The following COQ8A variants were observed in gnomAD, a reference collection of about 807,000 sequenced individuals.
COQ8A encodes the protein coenzyme Q8A.
A neutral mutation model predicts 65.0 loss-of-function variants in COQ8A; 51 were observed. That is an observed-to-expected ratio of 0.78 (90% CI 0.63 to 0.99). The LOEUF is 0.99. Ranked by LOEUF, COQ8A falls within the 50% of genes least tolerant of loss-of-function variation. The probability of loss-of-function intolerance (pLI) is 0.00; values close to 1 mark genes in which losing one functional copy is unlikely to be tolerated. For synonymous variants in COQ8A, 371 were observed against 353.2 expected, an observed-to-expected ratio of 1.05 and a Z score of -0.57; for missense variants, 940 against 875.0, an observed-to-expected ratio of 1.07 and a Z score of -0.94.
intron 2 of COQ8A, among the ~76,000 whole-genome samples, chr1:226,962,855 A>G (rs1434547086): frequency 3.9e-5 from 6 of 152,180 alleles, no homozygotes; most frequent in Admixed American, 2.6e-4. Context: ...CATTTCTCAG[A>G]TGAGGAAACT....
intron 5 of COQ8A, among the ~76,000 whole-genome samples, chr1:226,981,682 TC>T (rs1659699565): frequency 6.6e-6 from 1 of 152,144 alleles, no homozygotes; most frequent in South Asian, 2.1e-4. Context: ...CCCTCTTGGT[TC>T]CCACTCCCAC....
At chr1:226,976,238 GCGGGGCTGTGGGACTGCGATGTTGCCT>G (rs1317391566) in intron 4 of COQ8A, among the ~76,000 whole-genome samples, 4 of 137,538 alleles carry the variant, frequency 2.9e-5, no homozygotes, top group Admixed American at 1.5e-4. Context: ...CTGTGGGACT[GCGGGGCTGTGGGACTGCGATGTTGCCT>G]GGCTGCGGGG....
At chr1:226,968,434 C>G (rs1459374823) in intron 4 of COQ8A, among the ~76,000 whole-genome samples, 1 of 152,190 alleles carries the variant, frequency 6.6e-6, no homozygotes, top group Admixed American at 6.5e-5. Context: ...ATTTTAGTTT[C>G]AGAGACATAC....
rs1659956665 is a variant in COQ8A at position 226,984,568 on chromosome 1, T to C, written c.1419T>C (p.Val473=). 6.2e-7 allele frequency: 1 copy of C among 1,614,048 alleles called. No homozygotes were observed. The highest frequency in any genetic ancestry group is 1.1e-5 in the South Asian group (1 of 91,086). The change falls in exon 12 of 15, where the codon GTT becomes GTC. Residue 473 remains valine (V), a synonymous_variant. Transcript: ENST00000366777. ...IRNEICYNIL[V]LCLRELFEFH... is the part of the protein sequence containing the mutation. ...CACAGATCTGCTACAACATCCTGGTTCTGTGCCTGAGGGAGCTGTTCGAGT... is the reference window on the plus strand; with the variant it reads ...CACAGATCTGCTACAACATCCTGGTCCTGTGCCTGAGGGAGCTGTTCGAGT...
chr1:226,970,078 G>C (rs966386528), intron 4 of COQ8A, among the ~76,000 whole-genome samples: 1 of 152,054 alleles, frequency 6.6e-6, no homozygotes, highest in Non-Finnish European at 1.5e-5. Context: ...TCAGCCACTC[G>C]AATAGCTGGA....
chr1:226,955,924 T>G (rs1454174541), intron 1 of COQ8A, among the ~76,000 whole-genome samples: 1 of 129,674 alleles, frequency 7.7e-6, no homozygotes, highest in Non-Finnish European at 1.6e-5. Context: ...TGGTTCACAC[T>G]CTCCCTGGTT....
Position 226,965,311 on chromosome 1 carries a change from C to G in COQ8A, c.489C>G (p.Phe163Leu). The change falls in exon 3 of 15, where the codon TTC becomes TTG. Residue 163 changes from phenylalanine (F) to leucine (L), a missense_variant. Coordinates refer to ENST00000366777, the MANE Select transcript of COQ8A (RefSeq NM_020247.5). ...FSAMGFQRRFFHQDQSPVGGL... is the reference protein window; with the variant it reads ...FSAMGFQRRFLHQDQSPVGGL... ...CCATGGGCTTTCAGCGAAGGTTCTT[C>G]CACCAGGACCAATCCCCTGTTGGGG... 3.1e-6 allele frequency: 5 copies of G among 1,613,858 alleles called. No homozygotes were observed. Among genetic ancestry groups the G allele is most frequent in the Non-Finnish European group, 4.2e-6 (5 of 1,180,008 alleles).
At chr1:226,985,111 CGTG>C (rs1660003376) in intron 13 of COQ8A, 140 bp from the exon 14 acceptor site, 1 of 1,213,682 alleles carries the variant, frequency 8.2e-7, no homozygotes, top group Admixed American at 1.7e-5. Flanking sequence ...AGCTGCCAGG[CGTG>C]GTGTCACAGC....
At chr1:226,948,445 T>G (rs1380520450) in intron 1 of COQ8A, among the ~76,000 whole-genome samples, 1 of 152,220 alleles carries the variant, frequency 6.6e-6, no homozygotes, top group Non-Finnish European at 1.5e-5. Context: ...CATTTGCAGG[T>G]AACATTCACA....
Position 226,983,264 on chromosome 1 carries a change from T to C in COQ8A, c.1080+230T>C, listed in dbSNP as rs41305737. ...AGAGGGGCCCCCAGCAAGCTTGATT[T>C]GGGGTGGGCAAGGACAGGGGACAAG... On this transcript the variant is annotated intron_variant, in intron 8 of 14. Transcript: ENST00000366777. 1,570 of 716,628 alleles carry C rather than the reference T, an allele frequency of 2.2e-3. 4 individuals are homozygous for C. Among genetic ancestry groups the C allele is most frequent in the Non-Finnish European group, 2.9e-3 (1,268 of 442,454 alleles). 44.4% of individuals were successfully genotyped at this position (716,628 alleles called of 1,614,324 possible).
chr1:226,961,273 C>G, intron 1 of COQ8A, 104 bp from the exon 2 acceptor site: 1 of 1,289,322 alleles, frequency 7.8e-7, no homozygotes, highest in Non-Finnish European at 1.1e-6. Context: ...AGTGGAAAAA[C>G]CAGCCCTCTG....
chr1:226,973,846 C>A (rs779732070), intron 4 of COQ8A, among the ~76,000 whole-genome samples: 8 of 152,218 alleles, frequency 5.3e-5, no homozygotes, highest in Non-Finnish European at 1.0e-4. Flanking sequence ...CTGGGCTTAG[C>A]GCAGCGCCTG....
At chr1:226,960,564 T>TTGG (rs767494324) in intron 1 of COQ8A, among the ~76,000 whole-genome samples, 4 of 140,388 alleles carry the variant, frequency 2.8e-5, no homozygotes, top group Admixed American at 1.4e-4. Flanking sequence ...TCAATGGTAC[T>TTGG]TGGTGGTGGT....
At chr1:226,985,872 AG>A (rs1660076519) in intron 14 of COQ8A, among the ~76,000 whole-genome samples, 1 of 152,096 alleles carries the variant, frequency 6.6e-6, no homozygotes, top group Non-Finnish European at 1.5e-5. Flanking sequence ...AGTATCTCTG[AG>A]CCCCCCTTAT....
chr1:226,978,225 T>C lies in COQ8A; in HGVS notation c.730+702T>C, dbSNP rs111162993. ...CCTGCACACCTCCTTACACACCCTC[T>C]ACACACCCACCACACACACCTGCTT... On this transcript the variant is annotated intron_variant, in intron 5 of 14. Coordinates refer to ENST00000366777, the MANE Select transcript of COQ8A (RefSeq NM_020247.5). Among the ~76,000 whole-genome samples the C allele has an allele frequency of 4.1e-3, 268 of 64,766 alleles. 1 individual carries two copies. The highest frequency in any genetic ancestry group is 0.017 in the Middle Eastern group (1 of 58). 42.5% of individuals were successfully genotyped at this position (64,766 alleles called of 152,430 possible).
Position 226,949,229 on chromosome 1 carries a change from G to A in COQ8A, c.-10+8830G>A, listed in dbSNP as rs117381589. Among the ~76,000 whole-genome samples, 390 of 152,082 alleles carry A rather than the reference G, an allele frequency of 2.6e-3. 12 individuals carry two copies. The East Asian group carries it at 0.061, about 24-fold the overall frequency. The stretch of plus-strand genomic sequence containing the variant: ...GAAAGGAGGCCGGGGGCCTGATTTC[G>A]ATGCCTGGGACTTCAGGCGCAGGAG... On this transcript the variant is annotated intron_variant, in intron 1 of 14. Coordinates refer to ENST00000366777, the MANE Select transcript of COQ8A (RefSeq NM_020247.5). This position sits in a 1 kb window ranked among gnomAD's most constrained non-coding sequence, Gnocchi z 4.0.
At position 226,982,093 on chromosome 1, in the gene COQ8A, C is replaced by G; in HGVS notation, c.797C>G (p.Thr266Arg). The change falls in exon 6 of 15, where the codon ACG becomes AGG. Residue 266 changes from threonine (T) to arginine (R), a missense_variant. By Grantham distance (71) the Thr-to-Arg change is moderately conservative (BLOSUM62 -1). Coordinates refer to ENST00000366777, the MANE Select transcript of COQ8A (RefSeq NM_020247.5). ...SEANAERIVR[T>R]LCKVRGAALK... ...GCCAATGCAGAGCGGATCGTGCGCA[C>G]GCTCTGCAAGGTGCGTGGTGCGGCA... is the stretch of plus-strand genomic sequence containing the variant. 6.2e-7 allele frequency: 1 copy of G among 1,612,264 alleles called. No individual in the cohort carries two copies. The highest frequency in any genetic ancestry group is 1.1e-5 in the South Asian group (1 of 90,924).
intron 1 of COQ8A, among the ~76,000 whole-genome samples, chr1:226,959,082 G>A (rs534281160): frequency 2.0e-5 from 3 of 152,314 alleles, no homozygotes; most frequent in South Asian, 2.1e-4. Flanking sequence ...TTGTGGGATC[G>A]TTGAATTATG....
At chr1:226,957,717 G>A (rs567776930) in intron 1 of COQ8A, among the ~76,000 whole-genome samples, 12 of 152,268 alleles carry the variant, frequency 7.9e-5, no homozygotes, top group African/African-American at 2.9e-4. Flanking sequence ...TTTTAAAAAG[G>A]ACACAACTCA....
Sources: allele counts gnomAD v4.1 joint callset (sites outside exome capture counted in the v4.1 genomes callset), GRCh38; gene constraint gnomAD v4.1.1; non-coding constraint Gnocchi (gnomAD v3.1); transcripts MANE v1.5; gene names NCBI Gene and HGNC (gene_info 2026-07-23, HGNC 2026-07-21).